The following ICA1L variants were observed in gnomAD, a reference collection of about 807,000 sequenced individuals.
ICA1L encodes the protein islet cell autoantigen 1 like, also known as islet cell autoantigen 1-like protein.
In ICA1L, 50 loss-of-function variants were observed where a neutral mutation model predicts 61.3. That is an observed-to-expected ratio of 0.82 (90% CI 0.65 to 1.03). The LOEUF (loss-of-function observed/expected upper bound fraction) is 1.03, where lower values mean the gene tolerates loss of function less well. Among genes scored for constraint, ICA1L ranks in the 50% least tolerant of loss-of-function variants. The pLI, the probability that ICA1L is intolerant of heterozygous loss-of-function variation, is 0.00. For synonymous variants in ICA1L, 161 were observed against 191.3 expected, an observed-to-expected ratio of 0.84 and a Z score of 1.31; for missense variants, 508 against 556.7, an observed-to-expected ratio of 0.91 and a Z score of 0.88.
chr2:202,786,973 TC>T (rs1692608186), intron 11 of ICA1L, among the ~76,000 whole-genome samples: 1 of 152,226 alleles, frequency 6.6e-6, no homozygotes. Context: ...TCCTGCCTAA[TC>T]CCTTCCTTGT....
intron 1 of ICA1L, among the ~76,000 whole-genome samples, chr2:202,852,290 T>G (rs1404060331): frequency 6.6e-6 from 1 of 152,092 alleles, no homozygotes; most frequent in Non-Finnish European, 1.5e-5. Flanking sequence ...GGTCAAATGG[T>G]ATTTCTAGTT....
At chr2:202,861,090 T>C (rs1694898070) in intron 1 of ICA1L, among the ~76,000 whole-genome samples, 1 of 151,414 alleles carries the variant, frequency 6.6e-6, no homozygotes, top group African/African-American at 2.4e-5. Flanking sequence ...ATTAACTGGG[T>C]GTGGTGGCGG....
intron 11 of ICA1L, among the ~76,000 whole-genome samples, chr2:202,788,393 G>A (rs1692651017): frequency 6.6e-6 from 1 of 152,146 alleles, no homozygotes; most frequent in Admixed American, 6.6e-5. Flanking sequence ...CCCCCAAGGT[G>A]CAGGGTTGGA....
chr2:202,871,309 G>C (rs1372694515), intron 1 of ICA1L: 2 of 152,212 alleles, frequency 1.3e-5, no homozygotes, highest in African/African-American at 4.8e-5. Flanking sequence ...AGCGTGGCCG[G>C]GAGGCGCCCT....
At chr2:202,865,920 C>T (rs913995295) in intron 1 of ICA1L, among the ~76,000 whole-genome samples, 1 of 152,132 alleles carries the variant, frequency 6.6e-6, no homozygotes, top group Non-Finnish European at 1.5e-5. Context: ...AGCCACCACA[C>T]CCAGCCTAGA....
chr2:202,870,843 G>C (rs1051837488), intron 1 of ICA1L: 2 of 152,234 alleles, frequency 1.3e-5, no homozygotes, highest in Non-Finnish European at 1.5e-5. Context: ...CAACGCCCCA[G>C]CATCGCGGGT....
intron 11 of ICA1L, chr2:202,786,751 G>GGT: frequency 2.6e-6 from 1 of 391,708 alleles, no homozygotes; most frequent in Non-Finnish European, 5.0e-6. Flanking sequence ...GTACATGCAT[G>GGT]ATTTTTTTTT....
Position 202,841,641 on chromosome 2 carries a change from T to A in ICA1L, c.-7-12625A>T, listed in dbSNP as rs943148941. On this transcript the variant is annotated intron_variant, in intron 1 of 12. Coordinates refer to ENST00000358299, the MANE Select transcript of ICA1L (RefSeq NM_001288622.3). ...CCACCCAGGACACCCCGAAAGATGC[T>A]GCTGCCCACTCGGGAGAAGCTCAAG... is the stretch of plus-strand genomic sequence containing the variant. 5.0e-6 allele frequency: 3 copies of A among 605,582 alleles called. No homozygotes were observed. The African/African-American group carries it at 5.5e-5, about 11-fold the overall frequency. The allele number at this position is 605,582 out of a possible 1,614,324, so 37.5% of individuals were successfully genotyped here.
intron 9 of ICA1L, among the ~76,000 whole-genome samples, chr2:202,800,605 T>C (rs77167623): frequency 0.11 from 16,216 of 152,220 alleles, 1,021 homozygotes; most frequent in Middle Eastern, 0.21. Flanking sequence ...ATGATTTTTA[T>C]ACTTTCTAAC....
At chr2:202,859,021 C>T (rs568312945) in intron 1 of ICA1L, among the ~76,000 whole-genome samples, 3 of 152,128 alleles carry the variant, frequency 2.0e-5, no homozygotes, top group East Asian at 1.9e-4. Context: ...TTTCATCAAC[C>T]GCCCATTAAT....
chr2:202,782,716 CTTAAG>C (rs1692452951), intron 12 of ICA1L, among the ~76,000 whole-genome samples: 2 of 151,920 alleles, frequency 1.3e-5, no homozygotes, highest in South Asian at 2.1e-4. Context: ...CTGTTAAATT[CTTAAG>C]TTTAGTTTTG....
intron 10 of ICA1L, among the ~76,000 whole-genome samples, chr2:202,790,820 C>A (rs993115674): frequency 6.6e-6 from 1 of 152,194 alleles, no homozygotes; most frequent in Non-Finnish European, 1.5e-5. Context: ...CTCTCCTCAG[C>A]TCCTAGAGCA....
chr2:202,774,333 A>C lies in ICA1L; in HGVS notation c.*5200T>G. ...GGCGCGCGCGTTCCCCGCAGCGCTG[A>C]GGCGAGCCTGCCGCGCGCTCCGCTC... On this transcript the variant is annotated 3_prime_UTR_variant, in exon 13 of 13. Transcript: ENST00000358299. 7.0e-7 allele frequency: 1 copy of C among 1,419,318 alleles called. No individual in the cohort carries two copies. The highest frequency in any genetic ancestry group is 9.1e-7 in the Non-Finnish European group (1 of 1,095,930). The allele number at this position is 1,419,318 out of a possible 1,614,324, so 87.9% of individuals were successfully genotyped here.
At chr2:202,831,161 CT>C in intron 1 of ICA1L, among the ~76,000 whole-genome samples, 1 of 152,240 alleles carries the variant, frequency 6.6e-6, no homozygotes, top group Non-Finnish European at 1.5e-5. Flanking sequence ...GATTATTATC[CT>C]TTGGATATCC....
intron 12 of ICA1L, among the ~76,000 whole-genome samples, chr2:202,782,072 A>T (rs1355907467): frequency 2.0e-5 from 3 of 152,082 alleles, no homozygotes; most frequent in African/African-American, 7.2e-5. Context: ...ATGGCCGGAC[A>T]TGGTGGTTCA....
chr2:202,793,720 C>G (rs1470370474), intron 10 of ICA1L, among the ~76,000 whole-genome samples: 1 of 151,118 alleles, frequency 6.6e-6, no homozygotes, highest in Non-Finnish European at 1.5e-5. Context: ...GGTGTGGTGG[C>G]TCATGCCTGT....
chr2:202,808,318 GT>G (rs1391750762), intron 9 of ICA1L, among the ~76,000 whole-genome samples: 4 of 152,066 alleles, frequency 2.6e-5, no homozygotes, highest in Non-Finnish European at 5.9e-5. Flanking sequence ...CCTTGGGTGA[GT>G]ATCAGCGATA....
chr2:202,811,428 G>A (rs906028060), intron 9 of ICA1L, among the ~76,000 whole-genome samples: 6 of 152,032 alleles, frequency 3.9e-5, no homozygotes, highest in African/African-American at 1.4e-4. Context: ...GCCGAGGTGG[G>A]CGGATCGGAT....
chr2:202,813,555 A>G (rs893649598), intron 8 of ICA1L, among the ~76,000 whole-genome samples: 2 of 152,220 alleles, frequency 1.3e-5, no homozygotes, highest in Non-Finnish European at 2.9e-5. Flanking sequence ...GTGCTGCATC[A>G]TAACATGGTA....
Sources: allele counts gnomAD v4.1 joint callset (sites outside exome capture counted in the v4.1 genomes callset), GRCh38; gene constraint gnomAD v4.1.1; transcripts MANE v1.5; gene names NCBI Gene and HGNC (gene_info 2026-07-23, HGNC 2026-07-21).